The following AAK1 variants were observed in gnomAD, a reference collection of about 807,000 sequenced individuals.
AAK1 encodes AP2-associated protein kinase 1.
AAK1 carries 37 observed loss-of-function variants against 116.0 expected under a neutral mutation model. The observed-to-expected ratio is 0.32, with a 90% CI of 0.25 to 0.42. The LOEUF (loss-of-function observed/expected upper bound fraction) is 0.42, where lower values mean the gene tolerates loss of function less well. AAK1 is among the 10% of genes least tolerant of loss of function. The probability of loss-of-function intolerance (pLI) is 1.00; values close to 1 mark genes in which losing one functional copy is unlikely to be tolerated. For missense variants in AAK1, 919 were observed against 1,170.6 expected (o/e 0.79, Z 3.14); for synonymous variants, 458 against 439.9 (o/e 1.04, Z -0.51).
intron 20 of AAK1, 141 bp downstream of exon 20, chr2:69,478,810 G>A: frequency 3.0e-6 from 2 of 667,142 alleles, no homozygotes; most frequent in Non-Finnish European, 5.3e-6. Context: ...ACAGTATCTA[G>A]GAGATACTCA....
At chr2:69,542,811 T>C (rs953949558) in intron 4 of AAK1, 146 bp from the exon 5 acceptor site, 5 of 862,418 alleles carry the variant, frequency 5.8e-6, no homozygotes, top group Non-Finnish European at 8.8e-6. Flanking sequence ...TAAAACCTAG[T>C]TGTCTTGACT....
intron 2 of AAK1, among the ~76,000 whole-genome samples, chr2:69,577,558 C>T (rs946357128): frequency 8.5e-5 from 13 of 152,202 alleles, no homozygotes; most frequent in African/African-American, 1.7e-4. Context: ...TATGGGAGAG[C>T]GCCAAGAACT....
rs760673177 is a variant in AAK1 at position 69,480,865 on chromosome 2, C to G, written c.2564G>C (p.Arg855Pro). 3 of 1,592,558 alleles carry G rather than the reference C, an allele frequency of 1.9e-6. No individual in the cohort carries two copies. The highest frequency in any genetic ancestry group is 2.6e-6 in the Non-Finnish European group (3 of 1,169,758). ...TGCAGAGACACCTGACTGACCTGTGCGATTCGAGGTCACAGATTCCGTCTG... is the reference window on the plus strand; with the variant it reads ...TGCAGAGACACCTGACTGACCTGTGGGATTCGAGGTCACAGATTCCGTCTG... Reference protein sequence around the residue: ...PSQTESVTSNRTDSLTGEDSL... With the variant: ...PSQTESVTSNPTDSLTGEDSL... The change falls in exon 19 of 22, where the codon CGC (arginine) becomes CCC (proline). Residue 855 changes from arginine to proline, a missense_variant. This residue lies in a region of AAK1 where 263 missense variants were observed against 285.5 expected (regional missense o/e 0.92). Transcript: ENST00000409085.
At chr2:69,603,345 T>G (rs1355546765) in intron 2 of AAK1, among the ~76,000 whole-genome samples, 7 of 152,014 alleles carry the variant, frequency 4.6e-5, no homozygotes, top group African/African-American at 1.2e-4. Flanking sequence ...TACAAGTAGG[T>G]AGATCACGAG....
At chr2:69,508,384 A>T (rs916695785) in intron 14 of AAK1, among the ~76,000 whole-genome samples, 13 of 152,252 alleles carry the variant, frequency 8.5e-5, no homozygotes, top group African/African-American at 3.1e-4. Context: ...AAGTATCATT[A>T]TATAATTTTC....
chr2:69,559,844 C>T (rs1671555822), intron 2 of AAK1, among the ~76,000 whole-genome samples: 1 of 152,210 alleles, frequency 6.6e-6, no homozygotes, highest in Non-Finnish European at 1.5e-5. Context: ...CAAGGCAACT[C>T]TTTCAGATGC....
At chr2:69,494,369 G>A (rs1675657459) in intron 17 of AAK1, among the ~76,000 whole-genome samples, 1 of 152,172 alleles carries the variant, frequency 6.6e-6, no homozygotes, top group Admixed American at 6.5e-5. Context: ...TGGGGCATGT[G>A]CCTGGCTCTT....
chr2:69,576,171 A>G (rs548443526), intron 2 of AAK1, among the ~76,000 whole-genome samples: 2 of 152,292 alleles, frequency 1.3e-5, no homozygotes, highest in African/African-American at 2.4e-5. Context: ...CACTAGCCCA[A>G]GCTCTCTCCC....
Position 69,626,391 on chromosome 2 carries a change from T to C in AAK1, c.163+16487A>G, listed in dbSNP as rs530818436. 1.6e-4 allele frequency among the ~76,000 whole-genome samples: 24 copies of C among 152,022 alleles called. No individual in the cohort carries two copies. In the South Asian group the frequency reaches 4.8e-3, roughly 30 times the overall value. On this transcript the variant is annotated intron_variant, in intron 2 of 21. Transcript: ENST00000409085. The stretch of plus-strand genomic sequence containing the variant: ...AGAAACTGCTAACGAAGCTCACAAA[T>C]TACCTCCATATTTCCAAATCCAATT...
intron 2 of AAK1, among the ~76,000 whole-genome samples, chr2:69,587,910 G>C (rs72895377): frequency 0.019 from 2,842 of 151,968 alleles, 77 homozygotes; most frequent in African/African-American, 0.064. Context: ...ACCATGCCAG[G>C]CCTCATTTCT....
intron 2 of AAK1, among the ~76,000 whole-genome samples, chr2:69,594,222 A>G (rs1673161330): frequency 6.6e-6 from 1 of 152,200 alleles, no homozygotes; most frequent in Non-Finnish European, 1.5e-5. Context: ...TCTCCACCAT[A>G]ACACATATAT....
chr2:69,643,713 T>G lies in AAK1; in HGVS notation c.-373A>C. On this transcript the variant is annotated 5_prime_UTR_variant, in exon 1 of 22. Coordinates refer to ENST00000409085, the MANE Select transcript of AAK1 (RefSeq NM_014911.5). ...GCTCGGCTCCCGCCCGCCCGCCAGC[T>G]GATCCCGGGAGCGCCGGGCGGAGAC... The G allele has an allele frequency of 1.6e-6, 2 of 1,214,202 alleles. No homozygotes were observed. The highest frequency in any genetic ancestry group is 2.0e-6 in the Non-Finnish European group (2 of 976,866). The allele number at this position is 1,214,202 out of a possible 1,614,324, so 75.2% of individuals were successfully genotyped here.
At chr2:69,603,467 A>G (rs1335562186) in intron 2 of AAK1, among the ~76,000 whole-genome samples, 1 of 152,150 alleles carries the variant, frequency 6.6e-6, no homozygotes, top group Non-Finnish European at 1.5e-5. Flanking sequence ...GATAAAATGG[A>G]GTCACACTAT....
intron 3 of AAK1, among the ~76,000 whole-genome samples, chr2:69,547,509 G>A (rs1242345643): frequency 6.6e-6 from 1 of 152,070 alleles, no homozygotes; most frequent in Non-Finnish European, 1.5e-5. Context: ...TATATGAAAA[G>A]ATGATCAGCA....
At chr2:69,567,310 G>A (rs922699971) in intron 2 of AAK1, among the ~76,000 whole-genome samples, 5 of 152,152 alleles carry the variant, frequency 3.3e-5, no homozygotes, top group African/African-American at 7.2e-5. Flanking sequence ...ACTCCCATAT[G>A]ATTAAGTTCT....
chr2:69,513,110 C>T (rs1172912825), intron 13 of AAK1, among the ~76,000 whole-genome samples: 1 of 152,062 alleles, frequency 6.6e-6, no homozygotes, highest in Non-Finnish European at 1.5e-5. Context: ...GGAACTTTAC[C>T]TCTTGTTAAA....
chr2:69,638,687 A>G (rs10173264), intron 2 of AAK1, among the ~76,000 whole-genome samples: 17,798 of 152,144 alleles, frequency 0.12, 2,341 homozygotes, highest in African/African-American at 0.31. Context: ...CTTTGCCTAT[A>G]CTATTCTCTC....
chr2:69,459,868 G>C lies in AAK1; in HGVS notation c.*16001C>G, dbSNP rs1419550285. The C allele has an allele frequency of 6.6e-6, 1 of 151,966 alleles. No homozygotes were observed. Among genetic ancestry groups the C allele is most frequent in the East Asian group, 1.9e-4 (1 of 5,186 alleles). 9.4% of individuals were successfully genotyped at this position (151,966 alleles called of 1,614,324 possible). A position where few individuals can be genotyped will look rare whatever the true frequency, so the allele number is the denominator to read the frequency against. On this transcript the variant is annotated 3_prime_UTR_variant, in exon 22 of 22. Coordinates refer to ENST00000409085, the MANE Select transcript of AAK1 (RefSeq NM_014911.5). The stretch of plus-strand genomic sequence containing the variant: ...TAGTGATGTTTTCAGTAACAAACTT[G>C]CAAGTGTTCTTGGTGGTTAAAAAAC...
In AAK1 at chr2:69,589,088, G is replaced by T. The variant is rs1008269048; in HGVS notation, c.164-32110C>A. Among the ~76,000 whole-genome samples the T allele has an allele frequency of 7.2e-5, 11 of 152,330 alleles. No homozygotes were observed. In the East Asian group the frequency reaches 2.1e-3, roughly 29 times the overall value. ...ATTACTAGTGTCAGCTGGGGTTAAA[G>T]ATCAAAGTTCAGGTGAGAAACCAGA... On this transcript the variant is annotated intron_variant, in intron 2 of 21. Transcript: ENST00000409085.
Sources: gnomAD v4.1 joint callset for allele counts (sites outside exome capture counted in the v4.1 genomes callset) on GRCh38, gnomAD v4.1.1 for gene constraint, gnomAD v4.1.1 regional missense constraint, MANE v1.5 for transcripts, NCBI Gene and HGNC (gene_info 2026-07-23, HGNC 2026-07-21) for gene names.